The following ATP1A3 variants were observed in gnomAD, a reference collection of about 807,000 sequenced individuals.
ATP1A3 encodes the protein ATPase Na+/K+ transporting subunit alpha 3.
ATP1A3 carries 12 observed loss-of-function variants against 108.8 expected under a neutral mutation model. The observed-to-expected ratio is 0.11, with a 90% CI of 0.07 to 0.18. The LOEUF (loss-of-function observed/expected upper bound fraction) is 0.18. ATP1A3 is among the 10% of genes least tolerant of loss of function. The pLI is 1.00. For synonymous variants in ATP1A3, 539 were observed against 564.5 expected (o/e 0.95, Z 0.64); for missense variants, 498 against 1,387.7 (o/e 0.36, Z 10.19).
chr19:41,978,976 T>C lies in ATP1A3; in HGVS notation c.1438-178A>G, dbSNP rs1555862435. ...GTCCGCTCTGTCTATGTCATGGATA[T>C]ATATTTCTTTTTCTTTTTCTTTTTT... is the stretch of plus-strand genomic sequence containing the variant. On this transcript the variant is annotated intron_variant, in intron 11 of 22. Transcript: ENST00000648268. The surrounding 1 kb of genome is among the most constrained non-coding windows in gnomAD (Gnocchi z 8.3). 6.6e-6 allele frequency among the ~76,000 whole-genome samples: 1 copy of C among 152,116 alleles called. No individual in the cohort carries two copies. Among genetic ancestry groups the C allele is most frequent in the African/African-American group, 2.4e-5 (1 of 41,422 alleles).
intron 16 of ATP1A3, among the ~76,000 whole-genome samples, chr19:41,974,866 C>T (rs569684168): frequency 3.3e-5 from 5 of 152,292 alleles, no homozygotes; most frequent in Non-Finnish European, 2.9e-5. Flanking sequence ...CCCCTCACAC[C>T]GCCTTGCCTG....
Position 41,985,986 on chromosome 19 carries a change from T to C in ATP1A3, c.484A>G (p.Ile162Val). The stretch of plus-strand genomic sequence containing the variant: ...ACCTGCATCTTCTCACCTTCCCGGA[T>C]CACCAGGGCTTGCTGAGGTGGGATG... ...KNMVPQQALV[I>V]REGEKMQVNA... is the part of the protein sequence containing the mutation. The change falls in exon 6 of 23, where the codon ATC (isoleucine) becomes GTC (valine). Residue 162 changes from isoleucine to valine, a missense_variant. Coordinates refer to ENST00000648268, the MANE Select transcript of ATP1A3 (RefSeq NM_152296.5). This position sits in a 1 kb window ranked among gnomAD's most constrained non-coding sequence, Gnocchi z 8.2. The C allele has an allele frequency of 2.5e-6, 4 of 1,614,100 alleles. No individual in the cohort carries two copies. The highest frequency in any genetic ancestry group is 2.5e-6 in the Non-Finnish European group (3 of 1,180,000).
chr19:41,992,967 C>G (rs1555867890), intron 1 of ATP1A3: 1 of 191,698 alleles, frequency 5.2e-6, no homozygotes, highest in African/African-American at 2.3e-5. Context: ...CCTTCTCTCC[C>G]CTAGTCCTGC....
Position 41,981,415 on chromosome 19 carries a change from G to A in ATP1A3, c.1437+87C>T, listed in dbSNP as rs567402275. On this transcript the variant is annotated intron_variant, in intron 11 of 22. Transcript: ENST00000648268. This position sits in a 1 kb window ranked among gnomAD's most constrained non-coding sequence, Gnocchi z 5.0. ...GTATTATCATTCCCATTTTACAGACGGGAAAATCAAGGCTCTATGACACCT... is the reference window on the plus strand; with the variant it reads ...GTATTATCATTCCCATTTTACAGACAGGAAAATCAAGGCTCTATGACACCT... 1,191 of 1,597,234 alleles carry A rather than the reference G, an allele frequency of 7.5e-4. No homozygotes were observed. The highest frequency in any genetic ancestry group is 8.2e-4 in the Non-Finnish European group (951 of 1,166,260).
At position 41,982,230 on chromosome 19, in the gene ATP1A3, T is replaced by G. The variant is rs1555863799; in HGVS notation, c.994-124A>C. 7 of 1,531,826 alleles carry G rather than the reference T, an allele frequency of 4.6e-6. No individual in the cohort carries two copies. The South Asian group carries it at 5.6e-5, about 12-fold the overall frequency. 94.9% of individuals were successfully genotyped at this position (1,531,826 alleles called of 1,614,324 possible). On this transcript the variant is annotated intron_variant, in intron 8 of 22. Coordinates refer to ENST00000648268, the MANE Select transcript of ATP1A3 (RefSeq NM_152296.5). Reference sequence around the variant, plus strand: ...AGAATCCTGAGGGCCTGGAAAAGAATGAGGCAGCACCCAGCAATGCCACCC... The same window carrying G: ...AGAATCCTGAGGGCCTGGAAAAGAAGGAGGCAGCACCCAGCAATGCCACCC...
In ATP1A3 at chr19:41,981,291, G is replaced by A. The variant is rs991925109; in HGVS notation, c.1437+211C>T. 1.5e-4 allele frequency among the ~76,000 whole-genome samples: 23 copies of A among 151,928 alleles called. No individual in the cohort carries two copies. The highest frequency in any genetic ancestry group is 4.2e-4 in the South Asian group (2 of 4,816). ...TGGTGTTAAAGGTGTGAGCCACCGC[G>A]CCTGGCCTGCAGGAAGATCTTTACT... On this transcript the variant is annotated intron_variant, in intron 11 of 22. Coordinates refer to ENST00000648268, the MANE Select transcript of ATP1A3 (RefSeq NM_152296.5). The surrounding 1 kb of genome is among the most constrained non-coding windows in gnomAD (Gnocchi z 5.0).
At chr19:41,970,070 C>G in intron 18 of ATP1A3, 115 bp downstream of exon 18, 1 of 1,568,998 alleles carries the variant, frequency 6.4e-7, no homozygotes, top group Non-Finnish European at 8.7e-7. Flanking sequence ...CTGGTTGGTC[C>G]TGCCCACGTC....
rs782026920 is a variant in ATP1A3, at chr19:41,967,216, G to GC, written c.3013+32dup. 6.8e-6 allele frequency: 11 copies of GC among 1,613,590 alleles called. No homozygotes were observed. In the Admixed American group the frequency reaches 1.5e-4, roughly 22 times the overall value. On this transcript the variant is annotated intron_variant, in intron 22 of 22. Coordinates refer to ENST00000648268, the MANE Select transcript of ATP1A3 (RefSeq NM_152296.5). This position sits in a 1 kb window ranked among gnomAD's most constrained non-coding sequence, Gnocchi z 4.2. Reference sequence around the variant, plus strand: ...GCTGCCTGAGACCCTGCTGCCCCCCGCCCCCCTCGGCTGCCTTGCCGAGCT... The same window carrying GC: ...GCTGCCTGAGACCCTGCTGCCCCCCGCCCCCCCTCGGCTGCCTTGCCGAGCT...
In ATP1A3 at chr19:41,978,526, T is replaced by C. The variant is rs2075196786; in HGVS notation, c.1630+80A>G. On this transcript the variant is annotated intron_variant, in intron 12 of 22. Transcript: ENST00000648268. This position sits in a 1 kb window ranked among gnomAD's most constrained non-coding sequence, Gnocchi z 8.3. ...ATTTACAGTATATTCTGGGAGGCCC[T>C]GGGCTGAGACAGGCTTTGGGCAGCA... 5.7e-6 allele frequency: 9 copies of C among 1,583,078 alleles called. No homozygotes were observed. The highest frequency in any genetic ancestry group is 2.2e-5 in the East Asian group (1 of 44,754).
At chr19:41,987,345 T>C (rs182014269) in intron 4 of ATP1A3, among the ~76,000 whole-genome samples, 221 of 152,326 alleles carry the variant, frequency 1.5e-3, no homozygotes, top group Non-Finnish European at 2.0e-3. Flanking sequence ...TGTCAGTGTG[T>C]GTGTGAGTTT....
chr19:41,994,013 A>C (rs969858342), intron 1 of ATP1A3, 58 bp downstream of exon 1: 1 of 1,605,828 alleles, frequency 6.2e-7, no homozygotes, highest in Non-Finnish European at 8.5e-7. Flanking sequence ...GCGCACACCC[A>C]ATGTCACCGG....
At chr19:41,990,112 T>C (rs142568839) in intron 1 of ATP1A3, among the ~76,000 whole-genome samples, 1 of 152,126 alleles carries the variant, frequency 6.6e-6, no homozygotes, top group Non-Finnish European at 1.5e-5. Context: ...TCTCTGTCAT[T>C]GTGTCTCTAT....
In ATP1A3 at chr19:41,973,265, G is replaced by A. The variant is rs183616291; in HGVS notation, c.2263+2364C>T. Among the ~76,000 whole-genome samples, 411 of 152,202 alleles carry A rather than the reference G, an allele frequency of 2.7e-3. 2 individuals carry two copies. Among genetic ancestry groups the A allele is most frequent in the Non-Finnish European group, 4.1e-3 (280 of 68,012 alleles). ...CCGTTGGAAGTTATTTTGTTTGTTT[G>A]TTTGAGACAGGGTCTCGGATCTCGC... On this transcript the variant is annotated intron_variant, in intron 16 of 22. Transcript: ENST00000648268.
In ATP1A3 at chr19:41,978,881, C is replaced by T; in HGVS notation, c.1438-83G>A. The T allele has an allele frequency of 6.9e-7, 1 of 1,443,438 alleles. No individual in the cohort carries two copies. Among genetic ancestry groups the T allele is most frequent in the Non-Finnish European group, 9.6e-7 (1 of 1,042,420 alleles). The allele number at this position is 1,443,438 out of a possible 1,614,324, so 89.4% of individuals were successfully genotyped here. On this transcript the variant is annotated intron_variant, in intron 11 of 22. Coordinates refer to ENST00000648268, the MANE Select transcript of ATP1A3 (RefSeq NM_152296.5). The surrounding 1 kb of genome is among the most constrained non-coding windows in gnomAD (Gnocchi z 8.3). ...GCCCCATCCTGTCCCCTGTCCAGAG[C>T]CACGGGTGCCAGGATAGGCCCACAC... is the stretch of plus-strand genomic sequence containing the variant.
chr19:41,970,390 T>C lies in ATP1A3; in HGVS notation c.2416A>G (p.Met806Val). 6.2e-7 allele frequency: 1 copy of C among 1,614,236 alleles called. No individual in the cohort carries two copies. Among genetic ancestry groups the C allele is most frequent in the Non-Finnish European group, 8.5e-7 (1 of 1,180,050 alleles). Residue 806 changes from methionine (M) to valine (V), a missense_variant and splice_region_variant, in exon 17 of 23, where the codon ATG becomes GTG. Transcript: ENST00000648268. ...CAAGGGTGGCTGCCAGGGCTCACCA[T>C]GTCAGTGCCCAGATCGATGCAGAGG... ...TILCIDLGTD[M>V]VPAISLAYEA...
At position 41,994,055 on chromosome 19, in the gene ATP1A3, C is replaced by A. The variant is rs2075365011; in HGVS notation, c.6+16G>T. On this transcript the variant is annotated intron_variant, in intron 1 of 22. Coordinates refer to ENST00000648268, the MANE Select transcript of ATP1A3 (RefSeq NM_152296.5). Reference sequence around the variant, plus strand: ...AATGTCACACGGAAGCGGCGCCCAGCCGGCTCAGCACCTACCCCCATCTTG... The same window carrying A: ...AATGTCACACGGAAGCGGCGCCCAGACGGCTCAGCACCTACCCCCATCTTG... The A allele has an allele frequency of 1.9e-6, 3 of 1,609,326 alleles. No individual in the cohort carries two copies. The highest frequency in any genetic ancestry group is 4.5e-5 in the East Asian group (2 of 44,624).
chr19:41,971,056 C>G (rs1348125904), intron 16 of ATP1A3, among the ~76,000 whole-genome samples: 1 of 152,006 alleles, frequency 6.6e-6, no homozygotes, highest in Non-Finnish European at 1.5e-5. Context: ...CCTCGACTCC[C>G]AGGCTCAAGT....
intron 8 of ATP1A3, among the ~76,000 whole-genome samples, chr19:41,983,537 G>C (rs2075255240): frequency 6.7e-6 from 1 of 150,320 alleles, no homozygotes; most frequent in Non-Finnish European, 1.5e-5. Context: ...CTGGGGTGAA[G>C]CTGGCAGCAA....
Position 41,980,221 on chromosome 19 carries a change from G to A in ATP1A3, c.1437+1281C>T, listed in dbSNP as rs993773175. Among the ~76,000 whole-genome samples the A allele has an allele frequency of 3.9e-5, 6 of 152,328 alleles. No individual in the cohort carries two copies. In the South Asian group the frequency reaches 1.0e-3, roughly 26 times the overall value. On this transcript the variant is annotated intron_variant, in intron 11 of 22. Transcript: ENST00000648268. ...ATTGTCTGTCTTCTAGAACCAGAGC[G>A]TAAGTCTCAGAGAGGGGTGACTTCA...
Sources: gnomAD v4.1 joint callset for allele counts (sites outside exome capture counted in the v4.1 genomes callset) on GRCh38, gnomAD v4.1.1 for gene constraint, Gnocchi (gnomAD v3.1) non-coding constraint, MANE v1.5 for transcripts, NCBI Gene and HGNC (gene_info 2026-07-23, HGNC 2026-07-21) for gene names.